Variants in ADGRL1 observed in about 807,000 individuals in gnomAD.
ADGRL1 encodes CIRL-1.
In ADGRL1, 31 loss-of-function variants were observed where a neutral mutation model predicts 148.9. The ratio of observed to expected loss-of-function variants is 0.21; its 90% CI spans 0.16 to 0.28. The LOEUF is 0.28. Ranked by LOEUF, ADGRL1 falls within the 10% of genes least tolerant of loss-of-function variation. The pLI is 1.00. For missense variants in ADGRL1, 1,521 were observed against 2,058.8 expected (o/e 0.74, Z 5.05); for synonymous variants, 937 against 900.3 (o/e 1.04, Z -0.73).
Position 14,161,696 on chromosome 19 carries a change from G to C in ADGRL1, c.1196-70C>G. 8.9e-7 allele frequency: 1 copy of C among 1,127,446 alleles called. No individual in the cohort carries two copies. The highest frequency in any genetic ancestry group is 1.2e-6 in the Non-Finnish European group (1 of 865,436). The allele number at this position is 1,127,446 out of a possible 1,614,324, so 69.8% of individuals were successfully genotyped here. ...ATGCCACAGTGTGCTTGGGCAGGGG[G>C]TCCCAGGCCATCTTAGCATCTTCCT... On this transcript the variant is annotated intron_variant, in intron 5 of 22. Transcript: ENST00000361434. This position sits in a 1 kb window ranked among gnomAD's most constrained non-coding sequence, Gnocchi z 4.4.
At chr19:14,177,394 C>G in intron 3 of ADGRL1, 137 bp downstream of exon 3, 1 of 800,520 alleles carries the variant, frequency 1.2e-6, no homozygotes, top group South Asian at 1.6e-5. Flanking sequence ...CTGCATGGGG[C>G]CCAGCACCTA....
At chr19:14,172,688 C>T (rs149527142) in intron 3 of ADGRL1, among the ~76,000 whole-genome samples, 2,063 of 152,180 alleles carry the variant, frequency 0.014, 16 homozygotes, top group Non-Finnish European at 0.021. Context: ...TGCAGTGAGC[C>T]GAGATCGCAC....
chr19:14,160,303 T>G lies in ADGRL1; in HGVS notation c.1615-6A>C. 1 of 1,584,914 alleles carries G rather than the reference T, an allele frequency of 6.3e-7. No individual in the cohort carries two copies. On this transcript the variant is annotated splice_polypyrimidine_tract_variant and splice_region_variant and intron_variant, in intron 7 of 22. Transcript: ENST00000361434. This position sits in a 1 kb window ranked among gnomAD's most constrained non-coding sequence, Gnocchi z 5.9. ...GCGTTCTCCCCACTCTTGATCTGCATGAGGTGGGGGCGGGAAGGGGGAATC... is the reference window on the plus strand; with the variant it reads ...GCGTTCTCCCCACTCTTGATCTGCAGGAGGTGGGGGCGGGAAGGGGGAATC...
intron 3 of ADGRL1, among the ~76,000 whole-genome samples, chr19:14,176,020 C>T (rs932743693): frequency 6.6e-6 from 1 of 151,436 alleles, no homozygotes; most frequent in African/African-American, 2.4e-5. Flanking sequence ...CACCACTGCA[C>T]TGCAGCCTGG....
At chr19:14,190,838 A>G (rs1220310248) in intron 1 of ADGRL1, among the ~76,000 whole-genome samples, 2 of 152,158 alleles carry the variant, frequency 1.3e-5, no homozygotes, top group Admixed American at 1.3e-4. Flanking sequence ...CTGTAATCCC[A>G]GCACTTTGGG....
At position 14,159,299 on chromosome 19, in the gene ADGRL1, C is replaced by T; in HGVS notation, c.2024-84G>A. On this transcript the variant is annotated intron_variant, in intron 10 of 22. Transcript: ENST00000361434. The surrounding 1 kb of genome is among the most constrained non-coding windows in gnomAD (Gnocchi z 6.0). ...CTCAGGCTGCAGAACGAGACTCTGG[C>T]AAGATGCCCAAGGGTCGGATAGCCC... 1 of 1,578,738 alleles carries T rather than the reference C, an allele frequency of 6.3e-7. No individual in the cohort carries two copies. The highest frequency in any genetic ancestry group is 8.6e-7 in the Non-Finnish European group (1 of 1,158,334).
Position 14,159,418 on chromosome 19 carries a change from G to A in ADGRL1, c.2006C>T (p.Ala669Val), listed in dbSNP as rs1434239924. 2.5e-6 allele frequency: 4 copies of A among 1,610,596 alleles called. No individual in the cohort carries two copies. The African/African-American group carries it at 4.0e-5, about 16-fold the overall frequency. Residue 669 changes from alanine (A) to valine (V), a missense_variant, in exon 10 of 23, where the codon GCT becomes GTT. Around this residue, in one of 8 missense-constraint regions of ADGRL1, gnomAD observed 265 missense variants for 431.9 expected, o/e 0.61. Transcript: ENST00000361434. This position sits in a 1 kb window ranked among gnomAD's most constrained non-coding sequence, Gnocchi z 6.0. Reference sequence around the variant, plus strand: ...GCACTCACCCACGTTCTCCTTGGCAGCCAGGAAGCGGGCAGGCTCCCTGAC... The same window carrying A: ...GCACTCACCCACGTTCTCCTTGGCAACCAGGAAGCGGGCAGGCTCCCTGAC... ...DNVREPARFL[A>V]AKENVVLEVT...
Position 14,160,695 on chromosome 19 carries a change from T to TCCTGTCTGTCTGTC in ADGRL1, c.1511_1512insGACAGACAGACAGG (p.Ile505ThrfsTer70). The TCCTGTCTGTCTGTC allele has an allele frequency of 6.3e-7, 1 of 1,591,232 alleles. No homozygotes were observed. The highest frequency in any genetic ancestry group is 8.6e-7 in the Non-Finnish European group (1 of 1,160,732). On this transcript the variant is annotated frameshift_variant and splice_region_variant, in exon 7 of 23. Transcript: ENST00000361434. LOFTEE classifies it high-confidence loss of function. This position sits in a 1 kb window ranked among gnomAD's most constrained non-coding sequence, Gnocchi z 5.9. ...CTGGTAGACACTGGAAGGAGGCAAT[T>TCCTGTCTGTCTGTC]CCTGCAGGGACAGACAGACAGGAAC...
rs541536121 is a variant in ADGRL1, at chr19:14,149,208, C to G, written c.*1665G>C. On this transcript the variant is annotated 3_prime_UTR_variant, in exon 23 of 23. Coordinates refer to ENST00000361434, the MANE Select transcript of ADGRL1 (RefSeq NM_014921.5). ...ACAGGTGCTCAGGACACATCCCGAG[C>G]CTGGAGCTTCCGGGGTCTGGGATTT... 2.2e-4 allele frequency: 34 copies of G among 152,330 alleles called. No homozygotes were observed. The highest frequency in any genetic ancestry group is 8.2e-4 in the African/African-American group (34 of 41,548). The allele number at this position is 152,330 out of a possible 1,614,324, so 9.4% of individuals were successfully genotyped here.
At chr19:14,187,130 A>G (rs192174290) in intron 1 of ADGRL1, among the ~76,000 whole-genome samples, 1,710 of 152,238 alleles carry the variant, frequency 0.011, 24 homozygotes, top group Middle Eastern at 0.02. Context: ...CAGAGGTGGG[A>G]GTTCGAGACC....
At chr19:14,170,657 C>G in intron 4 of ADGRL1, 25 bp downstream of exon 4, 1 of 1,442,754 alleles carries the variant, frequency 6.9e-7, no homozygotes, top group East Asian at 2.3e-5. Context: ...GGGCCCGCAT[C>G]CGCACAAGGA....
In ADGRL1 at chr19:14,149,138, G is replaced by GGGCTGGGGA; in HGVS notation, c.*1726_*1734dup. The GGGCTGGGGA allele has an allele frequency of 6.6e-6, 1 of 152,430 alleles. No homozygotes were observed. Among genetic ancestry groups the GGGCTGGGGA allele is most frequent in the Non-Finnish European group, 1.5e-5 (1 of 68,128 alleles). 9.4% of individuals were successfully genotyped at this position (152,430 alleles called of 1,614,324 possible). On this transcript the variant is annotated 3_prime_UTR_variant, in exon 23 of 23. Transcript: ENST00000361434. ...TGCTGCCCCTAGAGTTGAGGGAAGG[G>GGGCTGGGGA]GGCTGGGGAGGCTGGCCTGACAGGC...
chr19:14,205,273 A>T (rs1972911537), intron 1 of ADGRL1, among the ~76,000 whole-genome samples: 1 of 151,886 alleles, frequency 6.6e-6, no homozygotes, highest in East Asian at 1.9e-4. Flanking sequence ...AGCTGTCCTC[A>T]AAGCACGAAT....
At chr19:14,187,548 C>T (rs889634838) in intron 1 of ADGRL1, among the ~76,000 whole-genome samples, 20 of 150,792 alleles carry the variant, frequency 1.3e-4, no homozygotes, top group African/African-American at 4.9e-4. Context: ...CTCTCCACTG[C>T]CCCAGCTTCT....
At chr19:14,187,631 G>T (rs2145070736) in intron 1 of ADGRL1, among the ~76,000 whole-genome samples, 1 of 138,416 alleles carries the variant, frequency 7.2e-6, no homozygotes, top group South Asian at 2.3e-4. Context: ...GACACGGCCA[G>T]TGTCACTTTC....
chr19:14,161,458 G>T lies in ADGRL1; in HGVS notation c.1364C>A (p.Pro455Gln). The part of the protein sequence containing the change: ...LGPDLPPATA[P>Q]VPSTRRPPAP... ...TGGGGGCCGCCGGGTGCTGGGGACT[G>T]GGGCTGTGGCTGGAGGCAGATCAGG... The change falls in exon 6 of 23, where the codon CCA becomes CAA. Residue 455 changes from proline to glutamine, a missense_variant. By Grantham distance (76) the Pro-to-Gln change is moderately conservative. Coordinates refer to ENST00000361434, the MANE Select transcript of ADGRL1 (RefSeq NM_014921.5). The surrounding 1 kb of genome is among the most constrained non-coding windows in gnomAD (Gnocchi z 4.4). 6.8e-7 allele frequency: 1 copy of T among 1,470,694 alleles called. No homozygotes were observed. Among genetic ancestry groups the T allele is most frequent in the East Asian group, 2.6e-5 (1 of 38,032 alleles). The allele number at this position is 1,470,694 out of a possible 1,614,324, so 91.1% of individuals were successfully genotyped here.
chr19:14,156,827 A>G (rs1968811459), intron 15 of ADGRL1, 98 bp downstream of exon 15: 4 of 1,525,544 alleles, frequency 2.6e-6, no homozygotes, highest in South Asian at 1.2e-5. Flanking sequence ...TGGGATCAGG[A>G]GGAGGAAGGG....
intron 1 of ADGRL1, among the ~76,000 whole-genome samples, chr19:14,202,629 C>G (rs1208492777): frequency 2.0e-5 from 3 of 152,054 alleles, no homozygotes; most frequent in Non-Finnish European, 4.4e-5. Context: ...TGGCCACCAC[C>G]CCCCATGGCG....
chr19:14,150,607 C>T lies in ADGRL1; in HGVS notation c.*266G>A. Reference sequence around the variant, plus strand: ...CTTCCAAGTTCTCCCTCCTCACTCCCCTGGGGTCCTCTGGGCTCCTCCTCA... The same window carrying T: ...CTTCCAAGTTCTCCCTCCTCACTCCTCTGGGGTCCTCTGGGCTCCTCCTCA... On this transcript the variant is annotated 3_prime_UTR_variant, in exon 23 of 23. Transcript: ENST00000361434. The T allele has an allele frequency of 2.0e-6, 1 of 506,254 alleles. No homozygotes were observed. The highest frequency in any genetic ancestry group is 3.5e-6 in the Non-Finnish European group (1 of 287,446). The allele number at this position is 506,254 out of a possible 1,614,324, so 31.4% of individuals were successfully genotyped here.
Sources: allele counts gnomAD v4.1 joint callset (sites outside exome capture counted in the v4.1 genomes callset), GRCh38; gene constraint gnomAD v4.1.1; regional missense constraint gnomAD v4.1.1; non-coding constraint Gnocchi (gnomAD v3.1); transcripts MANE v1.5; gene names NCBI Gene and HGNC (gene_info 2026-07-23, HGNC 2026-07-21).